The following ATP5F1E variants were observed in gnomAD, a reference collection of about 807,000 sequenced individuals.
ATP5F1E encodes the protein ATP synthase F(1) complex subunit epsilon, mitochondrial.
In ATP5F1E, 5 loss-of-function variants were observed where a neutral mutation model predicts 7.0. That is an observed-to-expected ratio of 0.71 (90% CI 0.37 to 1.49). The LOEUF is 1.49. ATP5F1E is among the 40% of genes most tolerant of loss of function. The pLI is 0.03. For synonymous variants in ATP5F1E, 20 were observed against 20.1 expected (o/e 0.99, Z 0.02); for missense variants, 59 against 57.1 (o/e 1.03, Z -0.11).
rs546903015 is a variant in ATP5F1E, at chr20:59,028,423, C to A, written c.*422G>T. 6.6e-6 allele frequency: 1 copy of A among 152,316 alleles called. No individual in the cohort carries two copies. The highest frequency in any genetic ancestry group is 1.9e-4 in the East Asian group (1 of 5,192). 9.4% of individuals were successfully genotyped at this position (152,316 alleles called of 1,614,324 possible). A position where few individuals can be genotyped will look rare whatever the true frequency, so the allele number is the denominator to read the frequency against. ...TTCCATTTGTTACTGATAACCATGTCATTATTCTGACATGACAACAATTCA... is the reference window on the plus strand; with the variant it reads ...TTCCATTTGTTACTGATAACCATGTAATTATTCTGACATGACAACAATTCA... On this transcript the variant is annotated 3_prime_UTR_variant, in exon 3 of 3. Transcript: ENST00000243997.
chr20:59,025,559 C>A lies in ATP5F1E; in HGVS notation c.*3286G>T, dbSNP rs2091990100. ...TTAAATTTCTTACTACTGTTAGATC[C>A]CAGGAATTCATTAATAATCATCCTT... On this transcript the variant is annotated 3_prime_UTR_variant, in exon 3 of 3. Transcript: ENST00000243997. The A allele has an allele frequency of 6.6e-6, 1 of 152,208 alleles. No homozygotes were observed. The highest frequency in any genetic ancestry group is 1.5e-5 in the Non-Finnish European group (1 of 68,040). The allele number at this position is 152,208 out of a possible 1,614,324, so 9.4% of individuals were successfully genotyped here. A position where few individuals can be genotyped will look rare whatever the true frequency, so the allele number is the denominator to read the frequency against.
intron 2 of ATP5F1E, chr20:59,029,325 T>C (rs1452697362): frequency 6.6e-6 from 1 of 152,214 alleles, no homozygotes; most frequent in African/African-American, 2.4e-5. Context: ...CTCAGAATTA[T>C]GAGATTAGAC....
intron 2 of ATP5F1E, 155 bp downstream of exon 2, chr20:59,030,148 T>C (rs1244326735): frequency 1.0e-6 from 1 of 975,776 alleles, no homozygotes; most frequent in Admixed American, 2.4e-5. Context: ...GGGACTTCTA[T>C]AACCTGCATG....
chr20:59,028,607 C>A lies in ATP5F1E; in HGVS notation c.*238G>T. 6.0e-6 allele frequency: 1 copy of A among 165,820 alleles called. No homozygotes were observed. The allele number at this position is 165,820 out of a possible 1,614,324, so 10.3% of individuals were successfully genotyped here. On this transcript the variant is annotated 3_prime_UTR_variant, in exon 3 of 3. Transcript: ENST00000243997. The stretch of plus-strand genomic sequence containing the variant: ...CCCCTGCTTTTAAGAAACCCTGGTT[C>A]ACATGGCCATAATCATGCAGCTGTG...
chr20:59,028,949 G>A (rs1457205134), intron 2 of ATP5F1E, 108 bp from the exon 3 acceptor site: 1 of 160,660 alleles, frequency 6.2e-6, no homozygotes, highest in African/African-American at 2.4e-5. Context: ...TATAACTGTG[G>A]CTATCATTCA....
In ATP5F1E at chr20:59,026,072, A is replaced by G. The variant is rs866778029; in HGVS notation, c.*2773T>C. The G allele has an allele frequency of 6.6e-6, 1 of 152,214 alleles. No homozygotes were observed. The highest frequency in any genetic ancestry group is 1.5e-5 in the Non-Finnish European group (1 of 68,042). The allele number at this position is 152,214 out of a possible 1,614,324, so 9.4% of individuals were successfully genotyped here. ...AAAATGCTCCGACCCTCAATGCAGT[A>G]AATATTTACTTGCAGGCAACTGGGT... On this transcript the variant is annotated 3_prime_UTR_variant, in exon 3 of 3. Coordinates refer to ENST00000243997, the MANE Select transcript of ATP5F1E (RefSeq NM_006886.4).
Position 59,032,269 on chromosome 20 carries a change from G to A in ATP5F1E, c.-18C>T, listed in dbSNP as rs780640442. ...GCCACCATGCTGTAGCGAAAGCGGAGCTCGTCGGGCCGAATCGCCAAGACG... is the reference window on the plus strand; with the variant it reads ...GCCACCATGCTGTAGCGAAAGCGGAACTCGTCGGGCCGAATCGCCAAGACG... On this transcript the variant is annotated 5_prime_UTR_variant, in exon 1 of 3. Transcript: ENST00000243997. 1.9e-6 allele frequency: 3 copies of A among 1,598,764 alleles called. No homozygotes were observed. Among genetic ancestry groups the A allele is most frequent in the South Asian group, 1.1e-5 (1 of 88,618 alleles).
chr20:59,030,410 T>C lies in ATP5F1E; in HGVS notation c.52A>G (p.Ile18Val). 6.2e-7 allele frequency: 1 copy of C among 1,613,882 alleles called. No homozygotes were observed. The highest frequency in any genetic ancestry group is 8.5e-7 in the Non-Finnish European group (1 of 1,179,852). The stretch of plus-strand genomic sequence containing the variant: ...GCATCTCTCACTGCTTTTGCACAGA[T>C]CTGGGAGTATCGGATGTAGCTGGGA... ...AGLSYIRYSQ[I>V]CAKAVRDALK... The change falls in exon 2 of 3, where the codon ATC becomes GTC. Residue 18 changes from isoleucine to valine, a missense_variant. Transcript: ENST00000243997.
chr20:59,027,047 A>G lies in ATP5F1E; in HGVS notation c.*1798T>C, dbSNP rs937939443. The stretch of plus-strand genomic sequence containing the variant: ...CTGGAGGCAGGAAGTTTATTATACT[A>G]CTGGTTTAGGATTTTTTTTTAATCA... On this transcript the variant is annotated 3_prime_UTR_variant, in exon 3 of 3. Coordinates refer to ENST00000243997, the MANE Select transcript of ATP5F1E (RefSeq NM_006886.4). 1 of 152,146 alleles carries G rather than the reference A, an allele frequency of 6.6e-6. No homozygotes were observed. Among genetic ancestry groups the G allele is most frequent in the African/African-American group, 2.4e-5 (1 of 41,424 alleles). The allele number at this position is 152,146 out of a possible 1,614,324, so 9.4% of individuals were successfully genotyped here.
rs1238955960 is a variant in ATP5F1E at position 59,032,214 on chromosome 20, G to A, written c.32+6C>T. ...GAAGCCCTTCCCTCTGGAGGCCTGG[G>A]CCTACCTGAGTCCAGCCTGTCTCCA... On this transcript the variant is annotated splice_donor_region_variant and intron_variant, in intron 1 of 2. Coordinates refer to ENST00000243997, the MANE Select transcript of ATP5F1E (RefSeq NM_006886.4). 1.3e-6 allele frequency: 2 copies of A among 1,580,372 alleles called. No individual in the cohort carries two copies. The highest frequency in any genetic ancestry group is 8.6e-7 in the Non-Finnish European group (1 of 1,164,880).
At chr20:59,030,512 T>C (rs1312987418) in intron 1 of ATP5F1E, 83 bp from the exon 2 acceptor site, 26 of 1,557,904 alleles carry the variant, frequency 1.7e-5, no homozygotes, top group Non-Finnish European at 2.3e-5. Flanking sequence ...CTTTTCTTCC[T>C]GTACTTTTTA....
intron 1 of ATP5F1E, 115 bp downstream of exon 1, chr20:59,032,105 T>C: frequency 7.0e-7 from 1 of 1,437,534 alleles, no homozygotes; most frequent in Non-Finnish European, 9.4e-7. Flanking sequence ...GCCCGAGGCT[T>C]GGCCCAACCC....
chr20:59,028,587 G>A lies in ATP5F1E; in HGVS notation c.*258C>T, dbSNP rs1314883342. ...CTAAATATTAAATCTGGCTTCCCCT[G>A]CTTTTAAGAAACCCTGGTTCACATG... On this transcript the variant is annotated 3_prime_UTR_variant, in exon 3 of 3. Transcript: ENST00000243997. 1 of 164,180 alleles carries A rather than the reference G, an allele frequency of 6.1e-6. No individual in the cohort carries two copies. Among genetic ancestry groups the A allele is most frequent in the East Asian group, 1.9e-4 (1 of 5,206 alleles). 10.2% of individuals were successfully genotyped at this position (164,180 alleles called of 1,614,324 possible). A position where few individuals can be genotyped will look rare whatever the true frequency, so the allele number is the denominator to read the frequency against.
chr20:59,025,747 C>T lies in ATP5F1E; in HGVS notation c.*3098G>A, dbSNP rs549756245. On this transcript the variant is annotated 3_prime_UTR_variant, in exon 3 of 3. Coordinates refer to ENST00000243997, the MANE Select transcript of ATP5F1E (RefSeq NM_006886.4). Reference sequence around the variant, plus strand: ...AAGCAGCAATGGCTGCAGTGTCCTTCTCAGTTATGGAGGACATCGTCTCAT... The same window carrying T: ...AAGCAGCAATGGCTGCAGTGTCCTTTTCAGTTATGGAGGACATCGTCTCAT... 6.6e-6 allele frequency: 1 copy of T among 152,362 alleles called. No individual in the cohort carries two copies. Among genetic ancestry groups the T allele is most frequent in the South Asian group, 2.1e-4 (1 of 4,830 alleles). 9.4% of individuals were successfully genotyped at this position (152,362 alleles called of 1,614,324 possible).
intron 2 of ATP5F1E, chr20:59,029,202 C>A (rs992562422): frequency 1.3e-5 from 2 of 152,172 alleles, no homozygotes; most frequent in East Asian, 1.9e-4. Flanking sequence ...CAGGACTTTG[C>A]AAAATCTCAG....
chr20:59,032,273 G>T lies in ATP5F1E; in HGVS notation c.-22C>A, dbSNP rs756521270. 7 of 1,597,726 alleles carry T rather than the reference G, an allele frequency of 4.4e-6. No homozygotes were observed. The highest frequency in any genetic ancestry group is 4.0e-5 in the African/African-American group (3 of 74,812). ...CCATGCTGTAGCGAAAGCGGAGCTC[G>T]TCGGGCCGAATCGCCAAGACGCCGG... is the stretch of plus-strand genomic sequence containing the variant. On this transcript the variant is annotated 5_prime_UTR_variant, in exon 1 of 3. Coordinates refer to ENST00000243997, the MANE Select transcript of ATP5F1E (RefSeq NM_006886.4).
rs1411648361 is a variant in ATP5F1E at position 59,032,201 on chromosome 20, T to C, written c.32+19A>G. On this transcript the variant is annotated intron_variant, in intron 1 of 2. Coordinates refer to ENST00000243997, the MANE Select transcript of ATP5F1E (RefSeq NM_006886.4). Reference sequence around the variant, plus strand: ...CGGGCCGGCTCGCGAAGCCCTTCCCTCTGGAGGCCTGGGCCTACCTGAGTC... The same window carrying C: ...CGGGCCGGCTCGCGAAGCCCTTCCCCCTGGAGGCCTGGGCCTACCTGAGTC... The C allele has an allele frequency of 6.4e-7, 1 of 1,569,340 alleles. No individual in the cohort carries two copies. Among genetic ancestry groups the C allele is most frequent in the Non-Finnish European group, 8.6e-7 (1 of 1,159,634 alleles).
At chr20:59,031,208 ACTGGGTGACCTTCAGGCTGTT>A (rs2092025984) in intron 1 of ATP5F1E, among the ~76,000 whole-genome samples, 1 of 152,116 alleles carries the variant, frequency 6.6e-6, no homozygotes, top group African/African-American at 2.4e-5. Flanking sequence ...ATTCTTACTA[ACTGGGTGACCTTCAGGCTGTT>A]CAACCTTTTC....
rs916727275 is a variant in ATP5F1E, at chr20:59,027,644, T to C, written c.*1201A>G. On this transcript the variant is annotated 3_prime_UTR_variant, in exon 3 of 3. Coordinates refer to ENST00000243997, the MANE Select transcript of ATP5F1E (RefSeq NM_006886.4). ...GCCACAGCACTGAACTGAGGTGCCC[T>C]AACTTGCCAACAGCAGGATGACAGC... 3 of 152,234 alleles carry C rather than the reference T, an allele frequency of 2.0e-5. No individual in the cohort carries two copies. The highest frequency in any genetic ancestry group is 7.2e-5 in the African/African-American group (3 of 41,456). The allele number at this position is 152,234 out of a possible 1,614,324, so 9.4% of individuals were successfully genotyped here.
Sources: allele counts gnomAD v4.1 joint callset (sites outside exome capture counted in the v4.1 genomes callset), GRCh38; gene constraint gnomAD v4.1.1; transcripts MANE v1.5; gene names NCBI Gene and HGNC (gene_info 2026-07-23, HGNC 2026-07-21).